The following EPHA3 variants were observed in gnomAD, a reference collection of about 807,000 sequenced individuals.
The protein encoded by EPHA3 is ephrin type-A receptor 3.
Under a neutral mutation model 107.1 loss-of-function variants are expected in EPHA3, and 42 were observed. That is an observed-to-expected ratio of 0.39 (90% CI 0.31 to 0.51). The LOEUF (loss-of-function observed/expected upper bound fraction) is 0.51, where lower values mean the gene tolerates loss of function less well. EPHA3 is among the 20% of genes least tolerant of loss of function. The pLI, the probability that EPHA3 is intolerant of heterozygous loss-of-function variation, is 0.78. For synonymous variants in EPHA3, 461 were observed against 424.8 expected, an observed-to-expected ratio of 1.09 and a Z score of -1.05; for missense variants, 1,183 against 1,211.2, an observed-to-expected ratio of 0.98 and a Z score of 0.35.
chr3:89,218,909 G>C (rs1212637146), intron 3 of EPHA3, among the ~76,000 whole-genome samples: 1 of 152,164 alleles, frequency 6.6e-6, no homozygotes, highest in Non-Finnish European at 1.5e-5. Context: ...AACCATTGTG[G>C]AAGTCGGTGT....
chr3:89,319,539 A>G (rs1706991841), intron 3 of EPHA3, among the ~76,000 whole-genome samples: 1 of 151,986 alleles, frequency 6.6e-6, no homozygotes, highest in Non-Finnish European at 1.5e-5. Flanking sequence ...TACAAACAGG[A>G]GAGCTGCGTA....
intron 2 of EPHA3, among the ~76,000 whole-genome samples, chr3:89,175,487 C>T (rs1385843937): frequency 2.0e-5 from 3 of 151,992 alleles, no homozygotes; most frequent in African/African-American, 7.3e-5. Context: ...TATTAAGACA[C>T]AGGAATTGAT....
At chr3:89,206,523 G>C (rs371172196) in intron 2 of EPHA3, among the ~76,000 whole-genome samples, 1 of 152,100 alleles carries the variant, frequency 6.6e-6, no homozygotes, top group African/African-American at 2.4e-5. Flanking sequence ...GAAAGCATTT[G>C]TTCTCTAGAG....
intron 5 of EPHA3, among the ~76,000 whole-genome samples, chr3:89,356,399 G>A (rs1707957374): frequency 6.6e-6 from 1 of 150,998 alleles, no homozygotes; most frequent in Admixed American, 6.6e-5. Context: ...GATCCCTGAA[G>A]AATCGCCACA....
intron 2 of EPHA3, among the ~76,000 whole-genome samples, chr3:89,154,558 C>T (rs1704757344): frequency 6.6e-6 from 1 of 151,414 alleles, no homozygotes; most frequent in Admixed American, 6.6e-5. Context: ...TAATGAACAG[C>T]TATACTGAAC....
chr3:89,402,758 A>G (rs902910677), intron 7 of EPHA3, among the ~76,000 whole-genome samples: 6 of 152,028 alleles, frequency 3.9e-5, no homozygotes, highest in Non-Finnish European at 5.9e-5. Context: ...TGCAGTGGTG[A>G]GATCTCAGCT....
intron 2 of EPHA3, among the ~76,000 whole-genome samples, chr3:89,173,223 AT>A (rs1050848273): frequency 3.9e-5 from 6 of 152,208 alleles, no homozygotes; most frequent in African/African-American, 1.4e-4. Context: ...ATTGAATCTA[AT>A]TTGTATCCTT....
intron 3 of EPHA3, among the ~76,000 whole-genome samples, chr3:89,249,897 A>C (rs1340957222): frequency 6.6e-6 from 1 of 152,160 alleles, no homozygotes. Flanking sequence ...CACAAGATTC[A>C]CCCAACATTC....
chr3:89,131,091 A>C (rs1704198925), intron 2 of EPHA3, among the ~76,000 whole-genome samples: 1 of 152,228 alleles, frequency 6.6e-6, no homozygotes, highest in African/African-American at 2.4e-5. Flanking sequence ...GAAGGTCATG[A>C]AAATAATACT....
intron 5 of EPHA3, among the ~76,000 whole-genome samples, chr3:89,387,320 G>A (rs1708642201): frequency 1.3e-5 from 2 of 152,128 alleles, no homozygotes; most frequent in Admixed American, 1.3e-4. Context: ...TCTCATGATA[G>A]TGAGTGAGTT....
chr3:89,397,903 G>C (rs1206458739), intron 6 of EPHA3, among the ~76,000 whole-genome samples: 2 of 151,998 alleles, frequency 1.3e-5, no homozygotes, highest in African/African-American at 4.8e-5. Context: ...AACAATATTA[G>C]CTATTGCAGG....
chr3:89,375,075 G>T (rs1055596553), intron 5 of EPHA3, among the ~76,000 whole-genome samples: 1 of 151,788 alleles, frequency 6.6e-6, no homozygotes, highest in African/African-American at 2.4e-5. Flanking sequence ...TTGTGTATGT[G>T]TGTGTGTTAG....
intron 3 of EPHA3, among the ~76,000 whole-genome samples, chr3:89,289,438 T>A: frequency 6.6e-6 from 1 of 152,030 alleles, no homozygotes; most frequent in East Asian, 1.9e-4. Flanking sequence ...TGAAAAAAAA[T>A]TATATGTAGT....
At chr3:89,399,251 C>T in intron 6 of EPHA3, 67 bp from the exon 7 acceptor site, 1 of 1,434,554 alleles carries the variant, frequency 7.0e-7, no homozygotes, top group East Asian at 2.3e-5. Context: ...GAGTGGTTCA[C>T]TGTTTATCAT....
intron 2 of EPHA3, among the ~76,000 whole-genome samples, chr3:89,140,906 A>G (rs1704417548): frequency 1.3e-5 from 2 of 151,752 alleles, no homozygotes; most frequent in African/African-American, 4.8e-5. Flanking sequence ...TGCAAACAAT[A>G]CAATAGCTAA....
Position 89,342,080 on chromosome 3 carries a change from T to G in EPHA3, c.1296T>G (p.Thr432=), listed in dbSNP as rs567063716. ...AGTTTGCTGCGGTCAGCATCACAAC[T>G]AATCAGGCTGGTGAGTACATACTAG... ...PRQFAAVSIT[T]NQAAPSPVLT... is the part of the protein sequence containing the mutation. Residue 432 remains threonine, a synonymous_variant, in exon 5 of 17, where the codon ACT becomes ACG. Coordinates refer to ENST00000336596, the MANE Select transcript of EPHA3 (RefSeq NM_005233.6). 11 of 1,609,828 alleles carry G rather than the reference T, an allele frequency of 6.8e-6. No homozygotes were observed. In the African/African-American group the frequency reaches 1.4e-4, roughly 20 times the overall value.
intron 3 of EPHA3, among the ~76,000 whole-genome samples, chr3:89,244,792 T>C (rs1394054146): frequency 6.6e-6 from 1 of 152,210 alleles, no homozygotes; most frequent in Non-Finnish European, 1.5e-5. Context: ...AGTTGAATGA[T>C]CCAATTGCAG....
Position 89,407,384 on chromosome 3 carries a change from T to C in EPHA3, c.1697+13T>C, listed in dbSNP as rs749843961. The C allele has an allele frequency of 6.3e-6, 10 of 1,598,748 alleles. No homozygotes were observed. Among genetic ancestry groups the C allele is most frequent in the Admixed American group, 3.3e-5 (2 of 59,848 alleles). On this transcript the variant is annotated intron_variant, in intron 8 of 16. Transcript: ENST00000336596. ...TTTTGATTGGGAGGTGAGTTCACAG[T>C]CTGTTTCACTATTCACTTTCTTTGT...
chr3:89,397,084 G>A (rs186619037), intron 6 of EPHA3, among the ~76,000 whole-genome samples: 40 of 152,174 alleles, frequency 2.6e-4, no homozygotes, highest in Non-Finnish European at 4.1e-4. Flanking sequence ...TGCAAACTGC[G>A]TAATGTAAAA....
Sources: allele counts gnomAD v4.1 joint callset (sites outside exome capture counted in the v4.1 genomes callset), GRCh38; gene constraint gnomAD v4.1.1; transcripts MANE v1.5; gene names NCBI Gene and HGNC (gene_info 2026-07-23, HGNC 2026-07-21).